ATP2C2: variants seen among roughly 807,000 people sequenced by gnomAD.
ATP2C2 encodes ATPase secretory pathway Ca2+ transporting 2.
Under a neutral mutation model 110.8 loss-of-function variants are expected in ATP2C2, and 171 were observed. The ratio of observed to expected loss-of-function variants is 1.54; its 90% CI spans 1.36 to 1.75. ATP2C2 has a LOEUF of 1.75. Ranked by LOEUF, ATP2C2 falls within the 40% of genes most tolerant of loss-of-function variation. The pLI, the probability that ATP2C2 is intolerant of heterozygous loss-of-function variation, is 0.00. For synonymous variants in ATP2C2, 804 were observed against 508.4 expected (o/e 1.58, Z -7.82); for missense variants, 1,963 against 1,235.0 (o/e 1.59, Z -8.84).
chr16:84,459,225 C>T (rs776459343), intron 22 of ATP2C2, 37 bp downstream of exon 22: 1 of 1,614,146 alleles, frequency 6.2e-7, no homozygotes, highest in Non-Finnish European at 8.5e-7. Flanking sequence ...TCATTAAGCA[C>T]CACGCCTGGC....
At chr16:84,438,297 C>T (rs1029736351) in intron 11 of ATP2C2, among the ~76,000 whole-genome samples, 3 of 152,176 alleles carry the variant, frequency 2.0e-5, no homozygotes, top group African/African-American at 7.2e-5. Flanking sequence ...TTCTACAGCC[C>T]ACCCCTGGCT....
chr16:84,383,434 C>A (rs1555551668), intron 1 of ATP2C2, among the ~76,000 whole-genome samples: 1 of 152,194 alleles, frequency 6.6e-6, no homozygotes, highest in Non-Finnish European at 1.5e-5. Context: ...TGATAAGCAG[C>A]CATGTCTGGT....
rs201800417 is a variant in ATP2C2 at position 84,442,569 on chromosome 16, C to G, written c.1371C>G (p.Thr457=). The change falls in exon 15 of 27, where the codon ACC becomes ACG. Residue 457 remains threonine, a synonymous_variant. Coordinates refer to ENST00000262429, the MANE Select transcript of ATP2C2 (RefSeq NM_014861.4). The stretch of plus-strand genomic sequence containing the variant: ...AGAACGCCGTGATGGGGCAGCCCAC[C>G]GAGGGTGCATTGATGGCCCTGGCGA... ...IRKNAVMGQP[T]EGALMALAMK... is the part of the protein sequence containing the mutation. The G allele has an allele frequency of 6.2e-7, 1 of 1,614,048 alleles. No homozygotes were observed. The highest frequency in any genetic ancestry group is 8.5e-7 in the Non-Finnish European group (1 of 1,179,952).
chr16:84,459,571 G>C (rs985902703), intron 23 of ATP2C2, 185 bp downstream of exon 23: 1 of 1,536,436 alleles, frequency 6.5e-7, no homozygotes, highest in African/African-American at 1.4e-5. Context: ...AGAGGAGAAA[G>C]TACCTGGGCC....
rs796189999 is a variant in ATP2C2, at chr16:84,412,547, C to CAT, written c.515+1782_515+1783insAT. ...GTGTGCATGTGTCTGTGTGTGTATGCGTGTGTGTGTGTGTGTGTGTGTATG... is the reference window on the plus strand; with the variant it reads ...GTGTGCATGTGTCTGTGTGTGTATGCATGTGTGTGTGTGTGTGTGTGTGTATG... On this transcript the variant is annotated intron_variant, in intron 6 of 26. Transcript: ENST00000262429. Among the ~76,000 whole-genome samples, 252 of 149,626 alleles carry CAT rather than the reference C, an allele frequency of 1.7e-3. 1 individual carries two copies. The highest frequency in any genetic ancestry group is 2.0e-3 in the Non-Finnish European group (137 of 67,462).
At chr16:84,406,659 T>A (rs1189960416) in intron 3 of ATP2C2, 1 of 985,068 alleles carries the variant, frequency 1.0e-6, no homozygotes, top group East Asian at 1.1e-4. Flanking sequence ...GGTATGTAGG[T>A]GGTTCTGGCT....
chr16:84,437,529 T>C (rs1567723620), intron 11 of ATP2C2, among the ~76,000 whole-genome samples: 1 of 152,096 alleles, frequency 6.6e-6, no homozygotes, highest in Admixed American at 6.5e-5. Context: ...TTTTCTTTTT[T>C]CTTTTGAGAT....
intron 14 of ATP2C2, among the ~76,000 whole-genome samples, chr16:84,441,691 C>A (rs964095015): frequency 2.6e-5 from 4 of 152,184 alleles, no homozygotes; most frequent in African/African-American, 9.7e-5. Context: ...GAGGCCAAGG[C>A]GGGTGGATCA....
chr16:84,460,554 C>G (rs1374718931), intron 23 of ATP2C2, 100 bp from the exon 24 acceptor site: 5 of 1,553,988 alleles, frequency 3.2e-6, no homozygotes, highest in Non-Finnish European at 4.4e-6. Context: ...GCCCTGCCCC[C>G]TGTGCCAACT....
At chr16:84,462,357 G>C in intron 26 of ATP2C2, 1 of 552,364 alleles carries the variant, frequency 1.8e-6, no homozygotes, top group Non-Finnish European at 3.1e-6. Context: ...CTCAAGAGTA[G>C]TAGGGTCTGG....
Position 84,410,782 on chromosome 16 carries a change from C to A in ATP2C2, c.515+17C>A, listed in dbSNP as rs775454931. The A allele has an allele frequency of 1.2e-6, 2 of 1,612,450 alleles. No individual in the cohort carries two copies. Among genetic ancestry groups the A allele is most frequent in the Admixed American group, 3.3e-5 (2 of 60,006 alleles). ...ATGTAACTGGTAAGTCAGAGCCTCC[C>A]TGGGACTTTTTGGTTCACTGGAGGA... On this transcript the variant is annotated intron_variant, in intron 6 of 26. Coordinates refer to ENST00000262429, the MANE Select transcript of ATP2C2 (RefSeq NM_014861.4).
rs570621282 is a variant in ATP2C2 at position 84,448,627 on chromosome 16, C to T, written c.1598C>T (p.Thr533Met). The T allele has an allele frequency of 2.1e-5, 34 of 1,614,056 alleles. No homozygotes were observed. Among genetic ancestry groups the T allele is most frequent in the South Asian group, 5.5e-5 (5 of 91,040 alleles). ...AACGGGGGCATCCCCCTGCCGCTGA[C>T]GCCCCAGCAGAGGTCATTCTGCCTG... The part of the protein sequence containing the change: ...YNNGGIPLPL[T>M]PQQRSFCLQE... The change falls in exon 17 of 27, where the codon ACG becomes ATG. Residue 533 changes from threonine to methionine, a missense_variant. Physicochemically the swap from Thr to Met is moderately conservative, Grantham distance 81 (BLOSUM62 -1). Coordinates refer to ENST00000262429, the MANE Select transcript of ATP2C2 (RefSeq NM_014861.4).
chr16:84,371,677 C>T (rs1038404313), intron 1 of ATP2C2, among the ~76,000 whole-genome samples: 3 of 152,242 alleles, frequency 2.0e-5, no homozygotes, highest in Non-Finnish European at 2.9e-5. Flanking sequence ...CCCCTCAGGG[C>T]TCCCATCTCT....
intron 1 of ATP2C2, among the ~76,000 whole-genome samples, chr16:84,380,732 T>C (rs543075187): frequency 6.6e-6 from 1 of 152,324 alleles, no homozygotes; most frequent in Non-Finnish European, 1.5e-5. Flanking sequence ...CTGCCTCTGT[T>C]TGTTCTTCTG....
At position 84,422,632 on chromosome 16, in the gene ATP2C2, G is replaced by T. The variant is rs750062164; in HGVS notation, c.778G>T (p.Val260Phe). The T allele has an allele frequency of 3.7e-6, 6 of 1,613,128 alleles. No homozygotes were observed. The highest frequency in any genetic ancestry group is 4.5e-5 in the East Asian group (2 of 44,886). Residue 260 changes from valine to phenylalanine, a missense_variant, in exon 9 of 27, where the codon GTC becomes TTC. Physicochemically the swap from Val to Phe is conservative, Grantham distance 50. Coordinates refer to ENST00000262429, the MANE Select transcript of ATP2C2 (RefSeq NM_014861.4). ...CTTCTCTCTCTCCTGGACACAGGGG[G>T]TCGTGATTGGAACAGGGGAAAGCTC... The part of the protein sequence containing the change: ...TLVQYGRGQG[V>F]VIGTGESSQF...
intron 1 of ATP2C2, among the ~76,000 whole-genome samples, chr16:84,381,098 AAG>A (rs3835955): frequency 6.6e-6 from 1 of 152,202 alleles, no homozygotes; most frequent in Non-Finnish European, 1.5e-5. Flanking sequence ...TGAGTCCGAA[AAG>A]AGAGTCGGCA....
chr16:84,424,329 A>T (rs1375345353), intron 10 of ATP2C2, among the ~76,000 whole-genome samples: 1 of 152,158 alleles, frequency 6.6e-6, no homozygotes, highest in Non-Finnish European at 1.5e-5. Flanking sequence ...CCCAGACTGG[A>T]GAGCAGTGGC....
chr16:84,403,730 G>A (rs1272458746), intron 2 of ATP2C2, among the ~76,000 whole-genome samples: 2 of 150,490 alleles, frequency 1.3e-5, no homozygotes, highest in East Asian at 1.9e-4. Context: ...CCTTCTTGTT[G>A]CCCAGGCTGG....
intron 11 of ATP2C2, among the ~76,000 whole-genome samples, chr16:84,429,331 T>G (rs2150553633): frequency 6.6e-6 from 1 of 152,096 alleles, no homozygotes; most frequent in East Asian, 1.9e-4. Flanking sequence ...TTTTAAATTT[T>G]AAGTAGAGAT....
Sources: gnomAD v4.1 joint callset for allele counts (sites outside exome capture counted in the v4.1 genomes callset) on GRCh38, gnomAD v4.1.1 for gene constraint, MANE v1.5 for transcripts, NCBI Gene and HGNC (gene_info 2026-07-23, HGNC 2026-07-21) for gene names.